Variants in DNM1L observed in about 807,000 individuals in gnomAD.
The protein encoded by DNM1L is dynamin-1-like protein.
A neutral mutation model predicts 92.8 loss-of-function variants in DNM1L; 33 were observed. That is an observed-to-expected ratio of 0.36 (90% confidence interval 0.27 to 0.48). The LOEUF is 0.48. Among genes scored for constraint, DNM1L ranks in the 20% least tolerant of loss-of-function variants. The pLI, the probability that DNM1L is intolerant of heterozygous loss-of-function variation, is 0.99. For missense variants in DNM1L, 485 were observed against 888.8 expected (o/e 0.55, Z 5.78); for synonymous variants, 284 against 305.0 (o/e 0.93, Z 0.72).
intron 9 of DNM1L, chr12:32,729,094 C>T (rs111279876): frequency 0.071 from 10,026 of 140,948 alleles, 337 homozygotes; most frequent in Middle Eastern, 0.12. Context: ...CCCAGTCCCC[C>T]TTTTTTTGAG....
At chr12:32,683,354 A>G (rs1457976996) in intron 1 of DNM1L, among the ~76,000 whole-genome samples, 3 of 151,496 alleles carry the variant, frequency 2.0e-5, no homozygotes, top group Admixed American at 6.6e-5. Flanking sequence ...CCTCCTGAGT[A>G]GCTGGGACTA....
intron 9 of DNM1L, chr12:32,726,880 C>T: frequency 1.5e-6 from 1 of 654,202 alleles, no homozygotes; most frequent in Non-Finnish European, 2.8e-6. Context: ...GTCAGCACTT[C>T]ATTTGTAAAA....
Position 32,731,762 on chromosome 12 carries a change from G to T in DNM1L, c.1357-92G>T. The T allele has an allele frequency of 1.8e-6, 2 of 1,121,844 alleles. No individual in the cohort carries two copies. Among genetic ancestry groups the T allele is most frequent in the Non-Finnish European group, 2.7e-6 (2 of 748,078 alleles). 69.5% of individuals were successfully genotyped at this position (1,121,844 alleles called of 1,614,324 possible). ...CTTCTACATGTAGTCTCAGCTACTTGGGAGGCTAAGGTGGGAGGATGGCTT... is the reference window on the plus strand; with the variant it reads ...CTTCTACATGTAGTCTCAGCTACTTTGGAGGCTAAGGTGGGAGGATGGCTT... On this transcript the variant is annotated intron_variant, in intron 11 of 19. Coordinates refer to ENST00000549701, the MANE Select transcript of DNM1L (RefSeq NM_012062.5). The surrounding 1 kb of genome is among the most constrained non-coding windows in gnomAD (Gnocchi z 5.1).
intron 5 of DNM1L, among the ~76,000 whole-genome samples, chr12:32,711,651 T>C (rs1953129222): frequency 6.6e-6 from 1 of 152,092 alleles, no homozygotes; most frequent in Non-Finnish European, 1.5e-5. Context: ...CCCAGCACTT[T>C]GGGAGATCAA....
rs1230120830 is a variant in DNM1L, at chr12:32,717,695, A to AT, written c.620-948_620-947insT. On this transcript the variant is annotated intron_variant, in intron 6 of 19. Coordinates refer to ENST00000549701, the MANE Select transcript of DNM1L (RefSeq NM_012062.5). Reference sequence around the variant, plus strand: ...CATATACCTAGGTAGATATATATATAAAAAATACATATACCTAGGTAGATA... The same window carrying AT: ...CATATACCTAGGTAGATATATATATATAAAAATACATATACCTAGGTAGATA... Among the ~76,000 whole-genome samples, 10 of 96,972 alleles carry AT rather than the reference A, an allele frequency of 1.0e-4. 2 individuals carry two copies. The highest frequency in any genetic ancestry group is 3.7e-4 in the African/African-American group (9 of 24,084). 63.6% of individuals were successfully genotyped at this position (96,972 alleles called of 152,430 possible). A position where few individuals can be genotyped will look rare whatever the true frequency, so the allele number is the denominator to read the frequency against.
intron 1 of DNM1L, among the ~76,000 whole-genome samples, chr12:32,690,006 TGTA>T (rs1254879215): frequency 1.3e-4 from 20 of 152,210 alleles, no homozygotes. Flanking sequence ...CTGAAGGCCT[TGTA>T]GTGCCAGTGG....
At chr12:32,694,341 C>T (rs1952350124) in intron 1 of DNM1L, among the ~76,000 whole-genome samples, 2 of 152,206 alleles carry the variant, frequency 1.3e-5, no homozygotes, top group South Asian at 2.1e-4. Flanking sequence ...GCCTTGGCCT[C>T]CCAAAGTGCT....
At chr12:32,718,044 C>CTATACATATTTTA (rs1953615702) in intron 6 of DNM1L, among the ~76,000 whole-genome samples, 1 of 117,162 alleles carries the variant, frequency 8.5e-6, no homozygotes, top group East Asian at 2.4e-4. Flanking sequence ...ACTATACATA[C>CTATACATATTTTA]TATATATACT....
chr12:32,679,606 C>T (rs1565964210), intron 1 of DNM1L, 141 bp downstream of exon 1: 4 of 1,390,324 alleles, frequency 2.9e-6, no homozygotes, highest in Non-Finnish European at 1.9e-6. Flanking sequence ...TGCTGGGGGC[C>T]CCAGGGCTCT....
chr12:32,699,441 C>G (rs1952607393), intron 1 of DNM1L, among the ~76,000 whole-genome samples: 2 of 151,974 alleles, frequency 1.3e-5, no homozygotes. Context: ...AGGAGAAATA[C>G]AGAAAGCCAT....
In DNM1L at chr12:32,737,736, C is replaced by T. The variant is rs71457656; in HGVS notation, c.1597-129C>T. ...AAATAAGGCAGAATAAACAATCTCCCATGATTATTTTCATCTTTCATGTTA... is the reference window on the plus strand; with the variant it reads ...AAATAAGGCAGAATAAACAATCTCCTATGATTATTTTCATCTTTCATGTTA... On this transcript the variant is annotated intron_variant, in intron 14 of 19. Transcript: ENST00000549701. The T allele has an allele frequency of 4.2e-3, 3,174 of 754,944 alleles. 17 individuals are homozygous for T. Among genetic ancestry groups the T allele is most frequent in the Middle Eastern group, 7.8e-3 (31 of 3,964 alleles). 46.8% of individuals were successfully genotyped at this position (754,944 alleles called of 1,614,324 possible).
At chr12:32,711,823 C>T (rs920527389) in intron 5 of DNM1L, among the ~76,000 whole-genome samples, 1 of 152,050 alleles carries the variant, frequency 6.6e-6, no homozygotes. Context: ...TTTGAGGCTA[C>T]GGTGAGCTAT....
intron 1 of DNM1L, among the ~76,000 whole-genome samples, chr12:32,681,224 T>TG (rs1464196551): frequency 6.6e-6 from 1 of 152,182 alleles, no homozygotes; most frequent in Non-Finnish European, 1.5e-5. Flanking sequence ...TTTTTCTACT[T>TG]GATTTAATGA....
Position 32,718,639 on chromosome 12 carries a change from C to T in DNM1L, c.620-4C>T, listed in dbSNP as rs761480969. 39 of 1,613,246 alleles carry T rather than the reference C, an allele frequency of 2.4e-5. No individual in the cohort carries two copies. Among genetic ancestry groups the T allele is most frequent in the Admixed American group, 3.3e-5 (2 of 59,944 alleles). ...TTGCCCTTTTTTCTTTTTGCATTTA[C>T]CAGGTCGCAGAACCCTAGCTGTAAT... On this transcript the variant is annotated splice_polypyrimidine_tract_variant and splice_region_variant and intron_variant, in intron 6 of 19. Coordinates refer to ENST00000549701, the MANE Select transcript of DNM1L (RefSeq NM_012062.5).
intron 6 of DNM1L, among the ~76,000 whole-genome samples, chr12:32,717,399 A>AAT (rs10692402): frequency 9.0e-5 from 6 of 66,794 alleles, no homozygotes; most frequent in Admixed American, 2.2e-4. Context: ...TAGTATATAT[A>AAT]ATATATAATA....
In DNM1L at chr12:32,716,789, TC is replaced by T. The variant is rs1370117507; in HGVS notation, c.620-1853del. Among the ~76,000 whole-genome samples, 3 of 147,362 alleles carry T rather than the reference TC, an allele frequency of 2.0e-5. No homozygotes were observed. In the East Asian group the frequency reaches 5.8e-4, roughly 29 times the overall value. ...AGTAACTGAAAATACCATAGGTATT[TC>T]ACTACCCATCTGAGAAATATGTGAG... On this transcript the variant is annotated intron_variant, in intron 6 of 19. Coordinates refer to ENST00000549701, the MANE Select transcript of DNM1L (RefSeq NM_012062.5).
rs1372816920 is a variant in DNM1L, at chr12:32,717,859, CTATA to C, written c.620-779_620-776del. Among the ~76,000 whole-genome samples, 5 of 104,778 alleles carry C rather than the reference CTATA, an allele frequency of 4.8e-5. 1 individual carries two copies. Among genetic ancestry groups the C allele is most frequent in the African/African-American group, 2.0e-4 (5 of 24,654 alleles). 68.7% of individuals were successfully genotyped at this position (104,778 alleles called of 152,430 possible). On this transcript the variant is annotated intron_variant, in intron 6 of 19. Transcript: ENST00000549701. ...ATACTATATATATTTTATAAATATA[CTATA>C]TATAGTATATACTATATATATTTAT...
Position 32,722,611 on chromosome 12 carries a change from A to G in DNM1L, c.1057A>G (p.Lys353Glu). The G allele has an allele frequency of 6.2e-7, 1 of 1,612,546 alleles. No individual in the cohort carries two copies. The highest frequency in any genetic ancestry group is 8.5e-7 in the Non-Finnish European group (1 of 1,179,890). ...TTGTAACACTATTGAAGGAACTGCAAAATATATTGAAACTTCGGAGCTGTA... is the reference window on the plus strand; with the variant it reads ...TTGTAACACTATTGAAGGAACTGCAGAATATATTGAAACTTCGGAGCTGTA... ...EYCNTIEGTA[K>E]YIETSELCGG... is the part of the protein sequence containing the mutation. Residue 353 changes from lysine (K) to glutamate (E), a missense_variant, in exon 9 of 20, where the codon AAA becomes GAA. Lys to Glu is a moderately conservative substitution (Grantham distance 56, BLOSUM62 1). Around this residue, in one of 11 missense-constraint regions of DNM1L, gnomAD observed 40 missense variants for 128.7 expected, o/e 0.31. Transcript: ENST00000549701.
intron 1 of DNM1L, among the ~76,000 whole-genome samples, chr12:32,687,546 G>A (rs754325377): frequency 3.9e-5 from 6 of 151,972 alleles, no homozygotes; most frequent in South Asian, 4.2e-4. Flanking sequence ...GAGTTCAAGC[G>A]ATTCTTCTGC....
Sources: gnomAD v4.1 joint callset for allele counts (sites outside exome capture counted in the v4.1 genomes callset) on GRCh38, gnomAD v4.1.1 for gene constraint, gnomAD v4.1.1 regional missense constraint, Gnocchi (gnomAD v3.1) non-coding constraint, MANE v1.5 for transcripts, NCBI Gene and HGNC (gene_info 2026-07-23, HGNC 2026-07-21) for gene names.